POM121L2: variants seen among roughly 807,000 people sequenced by gnomAD.
POM121L2 encodes POM121-like protein 2.
For missense variants in POM121L2, 1,167 were observed against 1,260.3 expected, an observed-to-expected ratio of 0.93 and a Z score of 1.12; for synonymous variants, 459 against 483.8, an observed-to-expected ratio of 0.95 and a Z score of 0.67.
In POM121L2 at chr6:27,308,827, C is replaced by T. The variant is rs187028938; in HGVS notation, c.*236G>A. On this transcript the variant is annotated 3_prime_UTR_variant, in exon 1 of 1. Coordinates refer to ENST00000444565, the MANE Select transcript of POM121L2 (RefSeq NM_033482.4). ...AGAAGAGTGGACAGGAAGGGGAAGG[C>T]GAGGTTCTGTTCAAGTCCAATGGGT... 1.0e-3 allele frequency among the ~76,000 whole-genome samples: 153 copies of T among 152,260 alleles called. No homozygotes were observed. Among genetic ancestry groups the T allele is most frequent in the African/African-American group, 3.5e-3 (147 of 41,542 alleles).
At chr6:27,309,768 AAAAAG>A (rs1338361111) in intron 1 of POM121L2, 2 of 1,551,584 alleles carry the variant, frequency 1.3e-6, no homozygotes, top group East Asian at 2.4e-5. Context: ...CTGAGCTCCC[AAAAAG>A]AAAAGAACTA....
upstream of POM121L2, chr6:27,312,104 GC>G (rs1432249260): frequency 2.0e-6 from 3 of 1,475,626 alleles, no homozygotes; most frequent in Non-Finnish European, 2.7e-6. This position sits in a 1 kb window ranked among gnomAD's most constrained non-coding sequence, Gnocchi z 6.7. Context: ...GGCCTCTCGG[GC>G]AAGTCGGTGC....
chr6:27,311,620 C>G lies in POM121L2; in HGVS notation c.551G>C (p.Ser184Thr). 6.4e-7 allele frequency: 1 copy of G among 1,551,818 alleles called. No homozygotes were observed. Among genetic ancestry groups the G allele is most frequent in the Non-Finnish European group, 8.7e-7 (1 of 1,147,020 alleles). The change falls in exon 1 of 1, where the codon AGT (serine) becomes ACT (threonine). Residue 184 changes from serine (S) to threonine (T), a missense_variant. Ser to Thr is a moderately conservative substitution (Grantham distance 58). Transcript: ENST00000444565. Reference protein sequence around the residue: ...EEPLFPESLDSKRRSPETRPS... With the variant: ...EEPLFPESLDTKRRSPETRPS... ...TCTGGTCTCTGGACTCCTTCTCTTA[C>G]TGTCCAGACTCTCAGGGAATAGTGG...
Position 27,310,607 on chromosome 6 carries a change from A to G in POM121L2, c.1564T>C (p.Ser522Pro). The G allele has an allele frequency of 6.4e-7, 1 of 1,551,952 alleles. No individual in the cohort carries two copies. Among genetic ancestry groups the G allele is most frequent in the Admixed American group, 2.0e-5 (1 of 51,014 alleles). ...VSSPTSHLSA[S>P]APPDATSAHL... ...GCAGAAGTTGCATCAGGAGGTGCAG[A>G]TGCAGAAAGATGGGATGTTGGGCTA... The change falls in exon 1 of 1, where the codon TCT becomes CCT. Residue 522 changes from serine to proline, a missense_variant. Physicochemically the swap from Ser to Pro is moderately conservative, Grantham distance 74. Transcript: ENST00000444565.
rs1373099706 is a variant in POM121L2 at position 27,311,038 on chromosome 6, G to A, written c.1133C>T (p.Thr378Ile). 1.3e-6 allele frequency: 2 copies of A among 1,552,150 alleles called. No individual in the cohort carries two copies. The highest frequency in any genetic ancestry group is 4.9e-5 in the East Asian group (2 of 40,918). ...CAAGGAAGGCTGAATAGCAAGCCAA[G>A]TCTCAGGGAAAGGGTCTGTGTTGAC... ...TEVNTDPFPE[T>I]WLAIQPSLSL... The change falls in exon 1 of 1, where the codon ACT becomes ATT. Residue 378 changes from threonine to isoleucine, a missense_variant. Transcript: ENST00000444565.
rs1760736451 is a variant in POM121L2, at chr6:27,310,910, G to A, written c.1261C>T (p.Pro421Ser). 1.3e-6 allele frequency: 2 copies of A among 1,551,882 alleles called. No homozygotes were observed. Among genetic ancestry groups the A allele is most frequent in the Non-Finnish European group, 1.7e-6 (2 of 1,147,020 alleles). Residue 421 changes from proline (P) to serine (S), a missense_variant, in exon 1 of 1, where the codon CCA becomes TCA. Coordinates refer to ENST00000444565, the MANE Select transcript of POM121L2 (RefSeq NM_033482.4). ...MQKSLGPLAS[P>S]QSTGEATSVA... is the part of the protein sequence containing the mutation. ...CTGGTTGCCTCTCCCGTGGACTGTG[G>A]AGAGGCCAGTGGACCTAGAGACTTC... is the stretch of plus-strand genomic sequence containing the variant.
upstream of POM121L2, chr6:27,311,918 G>A: frequency 6.4e-7 from 1 of 1,551,702 alleles, no homozygotes; most frequent in East Asian, 2.4e-5. Flanking sequence ...GGGGAATTCT[G>A]GGACTTCTTC....
In POM121L2 at chr6:27,311,903, C is replaced by G. The variant is rs1300977559; in HGVS notation, c.268G>C (p.Gly90Arg). ...PMKKSQNSPL[G>R]PLPSDWWESY... ...TCCCACCAGTCTGAAGGGAGAGGCC[C>G]CAGGGGGGAATTCTGGGACTTCTTC... Residue 90 changes from glycine to arginine, a missense_variant, in exon 1 of 1, where the codon GGG (glycine) becomes CGG (arginine). Physicochemically the swap from Gly to Arg is moderately radical, Grantham distance 125. Transcript: ENST00000444565. 6.4e-7 allele frequency: 1 copy of G among 1,551,696 alleles called. No individual in the cohort carries two copies.
Position 27,310,283 on chromosome 6 carries a change from T to C in POM121L2, c.1888A>G (p.Ser630Gly), listed in dbSNP as rs752036253. 4 of 1,552,186 alleles carry C rather than the reference T, an allele frequency of 2.6e-6. No homozygotes were observed. The highest frequency in any genetic ancestry group is 2.4e-5 in the East Asian group (1 of 40,916). Residue 630 changes from serine to glycine, a missense_variant, in exon 1 of 1, where the codon AGC (serine) becomes GGC (glycine). Coordinates refer to ENST00000444565, the MANE Select transcript of POM121L2 (RefSeq NM_033482.4). ...TSVVMSTTLA[S>G]TSKDSVFKPP... Reference sequence around the variant, plus strand: ...TTAAAAACAGAGTCTTTAGATGTGCTGGCTAGGGTGGTGGACATGACCACA... The same window carrying C: ...TTAAAAACAGAGTCTTTAGATGTGCCGGCTAGGGTGGTGGACATGACCACA...
In POM121L2 at chr6:27,309,640, G is replaced by C. The variant is rs767215738; in HGVS notation, c.2531C>G (p.Thr844Ser). ...SASTSQTPAS[T>S]WSGIGGIPAG... ...TGGAATGCCGCCAATGCCTGACCAG[G>C]TGCTGGCAGGGGTTTGAGAGGTGGA... The change falls in exon 1 of 1, where the codon ACC becomes AGC. Residue 844 changes from threonine to serine, a missense_variant. Physicochemically the swap from Thr to Ser is moderately conservative, Grantham distance 58. Coordinates refer to ENST00000444565, the MANE Select transcript of POM121L2 (RefSeq NM_033482.4). 1 of 1,551,764 alleles carries C rather than the reference G, an allele frequency of 6.4e-7. No individual in the cohort carries two copies. The highest frequency in any genetic ancestry group is 1.2e-5 in the South Asian group (1 of 84,062).
Position 27,311,578 on chromosome 6 carries a change from G to C in POM121L2, c.593C>G (p.Pro198Arg). 1 of 1,551,664 alleles carries C rather than the reference G, an allele frequency of 6.4e-7. No individual in the cohort carries two copies. The highest frequency in any genetic ancestry group is 8.7e-7 in the Non-Finnish European group (1 of 1,146,998). ...AGTGAGGGTTCCATTTTTCATCAGG[G>C]GCTTAAATGCCGATGGTCTGGTCTC... ...SPETRPSAFK[P>R]LMKNGTLTSF... The change falls in exon 1 of 1, where the codon CCC becomes CGC. Residue 198 changes from proline (P) to arginine (R), a missense_variant. By Grantham distance (103) the Pro-to-Arg change is moderately radical (BLOSUM62 -2). Transcript: ENST00000444565.
rs780487256 is a variant in POM121L2 at position 27,309,716 on chromosome 6, C to T, written c.2455G>A (p.Ala819Thr). The T allele has an allele frequency of 3.3e-5, 51 of 1,551,712 alleles. No homozygotes were observed. Among genetic ancestry groups the T allele is most frequent in the Non-Finnish European group, 4.1e-5 (47 of 1,147,002 alleles). Residue 819 changes from alanine to threonine, a missense_variant, in exon 1 of 1, where the codon GCC (alanine) becomes ACC (threonine). Coordinates refer to ENST00000444565, the MANE Select transcript of POM121L2 (RefSeq NM_033482.4). ...GCTGACTGTGTGGTACTAATGAAGG[C>T]TGGCTGAGCTGGAGTTGGCATGGGG... ...PTPMPTPAQP[A>T]FISTTQSALG...
In POM121L2 at chr6:27,312,110, C is replaced by A; in HGVS notation, c.61G>T (p.Asp21Tyr). ...SPSSPAQVRT[D>Y]LPERPTKRRP... ...CGTTTCGTGGGCCTCTCGGGCAAGTCGGTGCGCACCTGGGCTGGGGACGAG... is the reference window on the plus strand; with the variant it reads ...CGTTTCGTGGGCCTCTCGGGCAAGTAGGTGCGCACCTGGGCTGGGGACGAG... The change falls in exon 1 of 1, where the codon GAC becomes TAC. Residue 21 changes from aspartate (D) to tyrosine (Y), a missense_variant. By Grantham distance (160) the Asp-to-Tyr change is radical (BLOSUM62 -3). Coordinates refer to ENST00000444565, the MANE Select transcript of POM121L2 (RefSeq NM_033482.4). The surrounding 1 kb of genome is among the most constrained non-coding windows in gnomAD (Gnocchi z 6.7). 1 of 1,472,820 alleles carries A rather than the reference C, an allele frequency of 6.8e-7. No individual in the cohort carries two copies. Among genetic ancestry groups the A allele is most frequent in the African/African-American group, 1.4e-5 (1 of 70,702 alleles). 91.2% of individuals were successfully genotyped at this position (1,472,820 alleles called of 1,614,324 possible).
chr6:27,311,047 A>C lies in POM121L2; in HGVS notation c.1124T>G (p.Phe375Cys). Residue 375 changes from phenylalanine to cysteine, a missense_variant, in exon 1 of 1, where the codon TTC becomes TGC. Transcript: ENST00000444565. ...CTGAATAGCAAGCCAAGTCTCAGGG[A>C]AAGGGTCTGTGTTGACCTCAGTTGT... Reference protein sequence around the residue: ...EDTTEVNTDPFPETWLAIQPS... With the variant: ...EDTTEVNTDPCPETWLAIQPS... 6.4e-7 allele frequency: 1 copy of C among 1,552,088 alleles called. No homozygotes were observed. Among genetic ancestry groups the C allele is most frequent in the Non-Finnish European group, 8.7e-7 (1 of 1,147,094 alleles).
chr6:27,309,860 T>C lies in POM121L2; in HGVS notation c.2311A>G (p.Asn771Asp). ...RPPFPLSQGA[N>D]PQPAFGATNG... is the part of the protein sequence containing the mutation. ...GTGGCACCAAATGCAGGCTGGGGAT[T>C]AGCTCCTTGGGATAGTGGGAAAGGT... The change falls in exon 1 of 1, where the codon AAT becomes GAT. Residue 771 changes from asparagine (N) to aspartate (D), a missense_variant. Coordinates refer to ENST00000444565, the MANE Select transcript of POM121L2 (RefSeq NM_033482.4). 1.3e-6 allele frequency: 2 copies of C among 1,551,728 alleles called. No homozygotes were observed. The highest frequency in any genetic ancestry group is 1.7e-6 in the Non-Finnish European group (2 of 1,147,000).
chr6:27,311,068 GT>G (rs1297332234), intron 1 of POM121L2: 4 of 1,552,000 alleles, frequency 2.6e-6, no homozygotes, highest in Non-Finnish European at 3.5e-6. Flanking sequence ...GTTGACCTCA[GT>G]TGTATCTTCT....
In POM121L2 at chr6:27,311,022, C is replaced by G; in HGVS notation, c.1149G>C (p.Gln383His). The G allele has an allele frequency of 1.9e-6, 3 of 1,552,164 alleles. No homozygotes were observed. Among genetic ancestry groups the G allele is most frequent in the Non-Finnish European group, 2.6e-6 (3 of 1,147,100 alleles). ...AAGGCAGAGCAAGAGACAAGGAAGG[C>G]TGAATAGCAAGCCAAGTCTCAGGGA... Reference protein sequence around the residue: ...DPFPETWLAIQPSLSLALPSS... With the variant: ...DPFPETWLAIHPSLSLALPSS... The change falls in exon 1 of 1, where the codon CAG (glutamine) becomes CAC (histidine). Residue 383 changes from glutamine to histidine, a missense_variant. Coordinates refer to ENST00000444565, the MANE Select transcript of POM121L2 (RefSeq NM_033482.4).
At position 27,311,084 on chromosome 6, in the gene POM121L2, C is replaced by T. The variant is rs762646636; in HGVS notation, c.1087G>A (p.Ala363Thr). Residue 363 changes from alanine to threonine, a missense_variant, in exon 1 of 1, where the codon GCA becomes ACA. Ala to Thr is a moderately conservative substitution (Grantham distance 58). Transcript: ENST00000444565. ...TTGACCTCAGTTGTATCTTCTCCTGCGTTGTTGCTTACCTGTAGCTCAGCT... is the reference window on the plus strand; with the variant it reads ...TTGACCTCAGTTGTATCTTCTCCTGTGTTGTTGCTTACCTGTAGCTCAGCT... Reference protein sequence around the residue: ...KKAELQVSNNAGEDTTEVNTD... With the variant: ...KKAELQVSNNTGEDTTEVNTD... The T allele has an allele frequency of 2.3e-5, 36 of 1,551,860 alleles. No homozygotes were observed. The highest frequency in any genetic ancestry group is 2.6e-5 in the Non-Finnish European group (30 of 1,147,034).
Position 27,310,037 on chromosome 6 carries a change from T to G in POM121L2, c.2134A>C (p.Ile712Leu), listed in dbSNP as rs1334108153. The change falls in exon 1 of 1, where the codon ATA (isoleucine) becomes CTA (leucine). Residue 712 changes from isoleucine (I) to leucine (L), a missense_variant. Ile to Leu is a conservative substitution (Grantham distance 5). Transcript: ENST00000444565. ...TTAGCAGTGCTGCTTCTAGGGGATA[T>G]CTGTACAACACTGGAAAGGACCTGG... ...FTQVLSSVVQ[I>L]SPRSSTANFR... 1.9e-5 allele frequency: 29 copies of G among 1,552,090 alleles called. No individual in the cohort carries two copies. The highest frequency in any genetic ancestry group is 2.4e-5 in the Non-Finnish European group (27 of 1,147,100).
Sources: allele counts gnomAD v4.1 joint callset (sites outside exome capture counted in the v4.1 genomes callset), GRCh38; gene constraint gnomAD v4.1.1; non-coding constraint Gnocchi (gnomAD v3.1); transcripts MANE v1.5; gene names NCBI Gene and HGNC (gene_info 2026-07-23, HGNC 2026-07-21).